The following UTRN variants were observed in gnomAD, a reference collection of about 807,000 sequenced individuals.
The protein encoded by UTRN is dystrophin-related protein 1.
Under a neutral mutation model 463.9 loss-of-function variants are expected in UTRN, and 283 were observed. The ratio of observed to expected loss-of-function variants is 0.61; its 90% CI spans 0.55 to 0.67. UTRN has a LOEUF of 0.67. Among genes scored for constraint, UTRN ranks in the 30% least tolerant of loss-of-function variants. UTRN has a pLI of 0.00. For synonymous variants in UTRN, 1,442 were observed against 1,431.5 expected, an observed-to-expected ratio of 1.01 and a Z score of -0.17; for missense variants, 3,922 against 4,084.3, an observed-to-expected ratio of 0.96 and a Z score of 1.08.
At chr6:144,331,053 T>C in intron 2 of UTRN, 2 of 984,020 alleles carry the variant, frequency 2.0e-6, no homozygotes, top group Non-Finnish European at 2.4e-6. Context: ...TACTTAAATT[T>C]TGTCCACCTG....
At chr6:144,817,330 A>G (rs181329834) in intron 65 of UTRN, among the ~76,000 whole-genome samples, 1 of 152,344 alleles carries the variant, frequency 6.6e-6, no homozygotes, top group African/African-American at 2.4e-5. Flanking sequence ...CGAATCTTCC[A>G]AGAAATGCAT....
At chr6:144,628,419 T>C (rs1471659885) in intron 51 of UTRN, among the ~76,000 whole-genome samples, 1 of 152,204 alleles carries the variant, frequency 6.6e-6, no homozygotes, top group East Asian at 1.9e-4. Context: ...TTTTGAAATG[T>C]GTGCAGAACT....
chr6:144,411,940 C>T (rs1783931103), intron 3 of UTRN, among the ~76,000 whole-genome samples: 1 of 152,040 alleles, frequency 6.6e-6, no homozygotes. Context: ...GACTGGAGCA[C>T]ATTTTGCTGG....
intron 51 of UTRN, among the ~76,000 whole-genome samples, chr6:144,664,423 G>A (rs1291184348): frequency 6.6e-6 from 1 of 150,710 alleles, no homozygotes; most frequent in East Asian, 1.9e-4. Flanking sequence ...CACACTATCT[G>A]AGTTTGTTCC....
At chr6:144,606,843 T>G (rs1358712543) in intron 51 of UTRN, among the ~76,000 whole-genome samples, 1 of 152,190 alleles carries the variant, frequency 6.6e-6, no homozygotes, top group Non-Finnish European at 1.5e-5. Context: ...GAAGTGTAAG[T>G]CAATTAGAAT....
At chr6:144,415,713 A>T (rs1784304720) in intron 3 of UTRN, among the ~76,000 whole-genome samples, 1 of 152,162 alleles carries the variant, frequency 6.6e-6, no homozygotes. Flanking sequence ...TAAATCAGGG[A>T]AATTGACACA....
chr6:144,839,938 G>C (rs1318545071), intron 72 of UTRN, among the ~76,000 whole-genome samples: 1 of 152,094 alleles, frequency 6.6e-6, no homozygotes, highest in Non-Finnish European at 1.5e-5. Context: ...ACATTAACCA[G>C]AAAAAAATTA....
chr6:144,372,764 A>C (rs1780112074), intron 2 of UTRN, among the ~76,000 whole-genome samples: 1 of 152,146 alleles, frequency 6.6e-6, no homozygotes. Flanking sequence ...TAGCCTCTTA[A>C]AGTGCTGAGA....
chr6:144,587,181 G>A (rs549002951), intron 51 of UTRN, among the ~76,000 whole-genome samples: 7 of 152,228 alleles, frequency 4.6e-5, no homozygotes, highest in South Asian at 4.1e-4. Context: ...GTGAAACTAT[G>A]GCTATTCTTA....
chr6:144,814,276 G>C (rs1167553891), intron 65 of UTRN, among the ~76,000 whole-genome samples: 1 of 152,190 alleles, frequency 6.6e-6, no homozygotes, highest in Non-Finnish European at 1.5e-5. Context: ...GAAGACGGCT[G>C]TGTATGACCC....
rs376134671 is a variant in UTRN at position 144,320,952 on chromosome 6, G to A, written c.79+29045G>A. 1.4e-3 allele frequency among the ~76,000 whole-genome samples: 218 copies of A among 152,232 alleles called. 4 individuals are homozygous for A. In the Middle Eastern group the frequency reaches 0.02, roughly 14 times the overall value. On this transcript the variant is annotated intron_variant, in intron 2 of 74. Coordinates refer to ENST00000367545, the MANE Select transcript of UTRN (RefSeq NM_007124.3). ...GGGGATGGAGTGGGGGGAGGTGCTCGTGGCAGGCACTCAGACAAGCTCGCT... is the reference window on the plus strand; with the variant it reads ...GGGGATGGAGTGGGGGGAGGTGCTCATGGCAGGCACTCAGACAAGCTCGCT...
intron 51 of UTRN, among the ~76,000 whole-genome samples, chr6:144,588,144 C>A (rs1802652659): frequency 1.3e-5 from 2 of 152,060 alleles, no homozygotes; most frequent in Non-Finnish European, 2.9e-5. Flanking sequence ...AAAAGTGAGA[C>A]GGGATCAAGG....
chr6:144,700,358 CCA>C, intron 53 of UTRN, 115 bp downstream of exon 53: 1 of 1,191,870 alleles, frequency 8.4e-7, no homozygotes, highest in African/African-American at 1.5e-5. Context: ...ATTCCCCCCC[CCA>C]CCACCGTCTG....
At position 144,437,549 on chromosome 6, in the gene UTRN, C is replaced by A; in HGVS notation, c.1060-16C>A. 1.3e-6 allele frequency: 2 copies of A among 1,577,262 alleles called. No homozygotes were observed. Among genetic ancestry groups the A allele is most frequent in the Non-Finnish European group, 8.6e-7 (1 of 1,165,410 alleles). ...GCACTGAGTAGCTCACAAATTATAA[C>A]AATGTCCCTTTCTAGGCTTTTATGA... On this transcript the variant is annotated splice_polypyrimidine_tract_variant and intron_variant, in intron 10 of 74. Coordinates refer to ENST00000367545, the MANE Select transcript of UTRN (RefSeq NM_007124.3).
intron 64 of UTRN, among the ~76,000 whole-genome samples, chr6:144,801,544 T>A (rs1777699503): frequency 6.6e-6 from 1 of 151,922 alleles, no homozygotes; most frequent in South Asian, 2.1e-4. Flanking sequence ...ATATATATAT[T>A]TCATTTTCCC....
chr6:144,633,624 C>T (rs537210378), intron 51 of UTRN, among the ~76,000 whole-genome samples: 1 of 152,264 alleles, frequency 6.6e-6, no homozygotes, highest in East Asian at 1.9e-4. Flanking sequence ...TCTCAGTGAA[C>T]ACACAATTTC....
intron 6 of UTRN, among the ~76,000 whole-genome samples, chr6:144,425,640 T>A (rs1473259461): frequency 6.6e-6 from 1 of 152,172 alleles, no homozygotes; most frequent in Non-Finnish European, 1.5e-5. Context: ...ATTTATTCAT[T>A]TATGTATCAG....
At chr6:144,345,549 C>G (rs184103686) in intron 2 of UTRN, among the ~76,000 whole-genome samples, 207 of 152,220 alleles carry the variant, frequency 1.4e-3, no homozygotes, top group Middle Eastern at 6.8e-3. Context: ...GTGGCATGTG[C>G]CTGTGGTCCC....
At chr6:144,405,769 G>A (rs894112338) in intron 3 of UTRN, among the ~76,000 whole-genome samples, 1 of 152,114 alleles carries the variant, frequency 6.6e-6, no homozygotes, top group African/African-American at 2.4e-5. Flanking sequence ...CAAACATCGA[G>A]CCTTGTTAAT....
Sources: gnomAD v4.1 joint callset for allele counts (sites outside exome capture counted in the v4.1 genomes callset) on GRCh38, gnomAD v4.1.1 for gene constraint, MANE v1.5 for transcripts, NCBI Gene and HGNC (gene_info 2026-07-23, HGNC 2026-07-21) for gene names.